The following SLC25A16 variants were observed in gnomAD, a reference collection of about 807,000 sequenced individuals.
SLC25A16 encodes solute carrier family 25 member 16, also known as mitochondrial coenzyme A transporter SLC25A16.
SLC25A16 carries 39 observed loss-of-function variants against 41.5 expected under a neutral mutation model. The ratio of observed to expected loss-of-function variants is 0.94; its 90% CI spans 0.73 to 1.23. The LOEUF is 1.23. Among genes scored for constraint, SLC25A16 ranks in the 50% most tolerant of loss-of-function variants. The pLI is 0.00. For synonymous variants in SLC25A16, 146 were observed against 147.8 expected (o/e 0.99, Z 0.09); for missense variants, 421 against 426.9 (o/e 0.99, Z 0.12).
intron 2 of SLC25A16, among the ~76,000 whole-genome samples, chr10:68,511,616 ATCC>A (rs1329307255): frequency 2.0e-5 from 3 of 152,170 alleles, no homozygotes; most frequent in African/African-American, 7.2e-5. Context: ...TCTCCATTTT[ATCC>A]TCAAGTTAGA....
chr10:68,485,662 C>A (rs555502351), intron 8 of SLC25A16, among the ~76,000 whole-genome samples: 1 of 151,792 alleles, frequency 6.6e-6, no homozygotes, highest in East Asian at 1.9e-4. Context: ...GGATTATAGG[C>A]GTGAGCCACT....
At chr10:68,498,323 CTT>C (rs55736260) in intron 4 of SLC25A16, among the ~76,000 whole-genome samples, 19 of 140,222 alleles carry the variant, frequency 1.4e-4, no homozygotes, top group Non-Finnish European at 1.4e-4. Context: ...TTAACTTTTT[CTT>C]TTTTTTTTTT....
rs1364927488 is a variant in SLC25A16, at chr10:68,478,780, CAG to C, written c.*4650_*4651del. 1 of 150,982 alleles carries C rather than the reference CAG, an allele frequency of 6.6e-6. No homozygotes were observed. The highest frequency in any genetic ancestry group is 2.4e-5 in the African/African-American group (1 of 41,076). The allele number at this position is 150,982 out of a possible 1,614,324, so 9.4% of individuals were successfully genotyped here. ...TTATTTTTATTTTTATTTTTTGGGA[CAG>C]AGTCTCACTCTGTCACCCAGGCTGG... On this transcript the variant is annotated 3_prime_UTR_variant, in exon 9 of 9. Transcript: ENST00000609923.
chr10:68,515,574 G>A (rs375729996), intron 2 of SLC25A16, among the ~76,000 whole-genome samples: 47 of 151,844 alleles, frequency 3.1e-4, no homozygotes, highest in Middle Eastern at 3.4e-3. Context: ...CGAGGCGGGC[G>A]GGTCACCTGA....
chr10:68,504,599 G>C (rs1030785467), intron 3 of SLC25A16, among the ~76,000 whole-genome samples: 6 of 148,474 alleles, frequency 4.0e-5, no homozygotes, highest in African/African-American at 1.2e-4. Context: ...GGATGGTCTC[G>C]ATCTCCTGAA....
chr10:68,493,313 C>A, intron 5 of SLC25A16, 115 bp from the exon 6 acceptor site: 5 of 1,127,790 alleles, frequency 4.4e-6, no homozygotes, highest in South Asian at 1.4e-5. Flanking sequence ...CCCTGAAACA[C>A]AAAGATGTGT....
At chr10:68,509,727 C>CTATA (rs556746216) in intron 2 of SLC25A16, among the ~76,000 whole-genome samples, 2,530 of 140,040 alleles carry the variant, frequency 0.018, 77 homozygotes, top group African/African-American at 0.065. Context: ...ATATATCTAT[C>CTATA]TATCTATATA....
chr10:68,492,675 T>G (rs2052679280), intron 6 of SLC25A16, among the ~76,000 whole-genome samples: 1 of 151,516 alleles, frequency 6.6e-6, no homozygotes, highest in Admixed American at 6.6e-5. Context: ...AGAGCGAAAC[T>G]CCGTCTCAAA....
intron 5 of SLC25A16, 56 bp from the exon 6 acceptor site, chr10:68,493,254 A>T: frequency 7.7e-7 from 1 of 1,295,620 alleles, no homozygotes; most frequent in Non-Finnish European, 1.1e-6. Context: ...TATCATAAAC[A>T]TCAAAGAAAA....
At chr10:68,507,956 C>A (rs767083531) in intron 2 of SLC25A16, among the ~76,000 whole-genome samples, 1 of 152,174 alleles carries the variant, frequency 6.6e-6, no homozygotes, top group Admixed American at 6.6e-5. Flanking sequence ...TCTGGCCTTG[C>A]GTGGTGGCTC....
At chr10:68,500,807 C>A (rs988052761) in intron 4 of SLC25A16, among the ~76,000 whole-genome samples, 1 of 150,292 alleles carries the variant, frequency 6.7e-6, no homozygotes, top group Admixed American at 6.6e-5. Context: ...GGCACGTGCC[C>A]GTAATCCCAG....
At chr10:68,523,221 C>T (rs1380325395) in intron 1 of SLC25A16, among the ~76,000 whole-genome samples, 2 of 152,024 alleles carry the variant, frequency 1.3e-5, no homozygotes, top group Non-Finnish European at 2.9e-5. Flanking sequence ...TCCTGAGTAG[C>T]TGGGACTACA....
At chr10:68,489,443 T>C (rs1368679917) in intron 6 of SLC25A16, among the ~76,000 whole-genome samples, 1 of 152,144 alleles carries the variant, frequency 6.6e-6, no homozygotes, top group Non-Finnish European at 1.5e-5. Flanking sequence ...ACGTAGAATC[T>C]GATAAAAATA....
intron 1 of SLC25A16, among the ~76,000 whole-genome samples, chr10:68,525,182 G>C (rs2133610345): frequency 6.6e-6 from 1 of 152,236 alleles, no homozygotes; most frequent in African/African-American, 2.4e-5. Flanking sequence ...CTGTCACCCA[G>C]ACTGGAGTGC....
intron 6 of SLC25A16, among the ~76,000 whole-genome samples, chr10:68,491,689 A>T (rs568303638): frequency 3.9e-5 from 6 of 152,142 alleles, no homozygotes; most frequent in Non-Finnish European, 8.8e-5. Context: ...ACCAAACTAA[A>T]ACTAGTTGTT....
chr10:68,526,341 T>C (rs1297088106), intron 1 of SLC25A16, among the ~76,000 whole-genome samples: 1 of 152,202 alleles, frequency 6.6e-6, no homozygotes, highest in African/African-American at 2.4e-5. Context: ...CAGCACTTAA[T>C]CCTTTACATT....
chr10:68,527,130 A>G (rs1251351894), intron 1 of SLC25A16, 116 bp downstream of exon 1: 18 of 1,100,118 alleles, frequency 1.6e-5, no homozygotes, highest in Non-Finnish European at 1.9e-5. Context: ...GACATCTAAC[A>G]GAACATTGAA....
At chr10:68,512,506 G>T (rs1309173859) in intron 2 of SLC25A16, among the ~76,000 whole-genome samples, 1 of 128,252 alleles carries the variant, frequency 7.8e-6, no homozygotes, top group African/African-American at 3.1e-5. Flanking sequence ...GGGCGTAGTG[G>T]CGGGCGCCTG....
intron 2 of SLC25A16, among the ~76,000 whole-genome samples, chr10:68,512,006 G>A (rs557727883): frequency 1.4e-4 from 21 of 152,164 alleles, no homozygotes; most frequent in African/African-American, 4.1e-4. Flanking sequence ...ACAGGTGTGC[G>A]CCACCAAGCC....
Sources: allele counts gnomAD v4.1 joint callset (sites outside exome capture counted in the v4.1 genomes callset), GRCh38; gene constraint gnomAD v4.1.1; transcripts MANE v1.5; gene names NCBI Gene and HGNC (gene_info 2026-07-23, HGNC 2026-07-21).